RNF4: variants seen among roughly 807,000 people sequenced by gnomAD.
RNF4 encodes E3 ubiquitin-protein ligase RNF4.
RNF4 carries 7 observed loss-of-function variants against 24.3 expected under a neutral mutation model. The ratio of observed to expected loss-of-function variants is 0.29; its 90% CI spans 0.16 to 0.54. RNF4 has a LOEUF of 0.54. RNF4 is among the 20% of genes least tolerant of loss of function. RNF4 has a pLI of 0.95. For synonymous variants in RNF4, 83 were observed against 84.3 expected, an observed-to-expected ratio of 0.98 and a Z score of 0.09; for missense variants, 209 against 248.5, an observed-to-expected ratio of 0.84 and a Z score of 1.07.
intron 2 of RNF4, among the ~76,000 whole-genome samples, chr4:2,495,635 T>G (rs1735709526): frequency 1.0e-5 from 1 of 98,592 alleles, no homozygotes; most frequent in Non-Finnish European, 2.2e-5. Context: ...AGCTCTTTTT[T>G]TTTTGGGGGG....
intron 2 of RNF4, among the ~76,000 whole-genome samples, chr4:2,494,283 A>C (rs1735669008): frequency 1.3e-5 from 2 of 150,498 alleles, no homozygotes; most frequent in South Asian, 4.3e-4. Flanking sequence ...TTATAACTTG[A>C]TGTGTTTACT....
chr4:2,480,862 C>T (rs1452006164), intron 1 of RNF4: 6 of 152,100 alleles, frequency 3.9e-5, no homozygotes, highest in Non-Finnish European at 8.8e-5. Context: ...GAACTGACTT[C>T]CAGGATACCT....
At chr4:2,485,590 G>A (rs545995740) in intron 1 of RNF4, among the ~76,000 whole-genome samples, 4 of 152,118 alleles carry the variant, frequency 2.6e-5, no homozygotes, top group African/African-American at 7.2e-5. Context: ...ATACCTTGGC[G>A]TGAGTTGTTT....
intron 1 of RNF4, chr4:2,481,033 A>T (rs1410986962): frequency 6.6e-6 from 1 of 152,264 alleles, no homozygotes; most frequent in Non-Finnish European, 1.5e-5. Context: ...GAACCAAGCC[A>T]TGTAATATAC....
At chr4:2,499,442 A>C in intron 3 of RNF4, 1 of 330,824 alleles carries the variant, frequency 3.0e-6, no homozygotes, top group Non-Finnish European at 5.9e-6. Flanking sequence ...ACACCTCGCT[A>C]ATTTTGTATT....
At chr4:2,472,080 CCTGGCTTCAAAGGACAGT>C (rs1310762641) in intron 1 of RNF4, among the ~76,000 whole-genome samples, 31 of 152,124 alleles carry the variant, frequency 2.0e-4, no homozygotes, top group Non-Finnish European at 1.5e-5. Context: ...AAGGTCAATG[CCTGGCTTCAAAGGACAGT>C]CTGATTCTCT....
intron 1 of RNF4, among the ~76,000 whole-genome samples, chr4:2,489,465 A>G (rs1475614906): frequency 2.6e-5 from 4 of 152,168 alleles, no homozygotes; most frequent in Non-Finnish European, 4.4e-5. Flanking sequence ...AGTACGTTCC[A>G]TGGTGTGGTC....
Position 2,513,905 on chromosome 4 carries a change from A to C in RNF4, c.*86A>C. On this transcript the variant is annotated 3_prime_UTR_variant, in exon 8 of 8. Transcript: ENST00000314289. ...TATCTGCCTCCATTTTCCTGAGATC[A>C]AAAAGACTGTTTCGAAACCAACATC... is the stretch of plus-strand genomic sequence containing the variant. 1 of 1,564,500 alleles carries C rather than the reference A, an allele frequency of 6.4e-7. No homozygotes were observed. Among genetic ancestry groups the C allele is most frequent in the Non-Finnish European group, 8.7e-7 (1 of 1,144,476 alleles).
chr4:2,509,485 T>C (rs904136941), intron 4 of RNF4, among the ~76,000 whole-genome samples: 2 of 152,138 alleles, frequency 1.3e-5, no homozygotes, highest in African/African-American at 4.8e-5. Context: ...CCCAAAGTGC[T>C]GAGATTCCAG....
intron 1 of RNF4, among the ~76,000 whole-genome samples, chr4:2,482,571 C>G (rs962085534): frequency 6.6e-6 from 1 of 152,228 alleles, no homozygotes; most frequent in Non-Finnish European, 1.5e-5. Context: ...AAAGCCTAGG[C>G]CATCTTGGCT....
At chr4:2,479,559 C>G (rs1441011232) in intron 1 of RNF4, among the ~76,000 whole-genome samples, 17 of 152,180 alleles carry the variant, frequency 1.1e-4, no homozygotes, top group Admixed American at 1.1e-3. Context: ...TTTCCGTGCA[C>G]AAGCTCTCTT....
intron 1 of RNF4, among the ~76,000 whole-genome samples, chr4:2,484,008 G>A (rs1277665602): frequency 7.5e-6 from 1 of 133,392 alleles, no homozygotes; most frequent in Non-Finnish European, 1.6e-5. Context: ...TGTATTTTTA[G>A]TAGGGGGTGG....
At position 2,512,987 on chromosome 4, in the gene RNF4, C is replaced by T. The variant is rs1262222648; in HGVS notation, c.375-96C>T. On this transcript the variant is annotated intron_variant, in intron 6 of 7. Coordinates refer to ENST00000314289, the MANE Select transcript of RNF4 (RefSeq NM_002938.5). This position sits in a 1 kb window ranked among gnomAD's most constrained non-coding sequence, Gnocchi z 4.1. ...TAAGGCAGAGTCAGGAGGCCAGGGA[C>T]GGGACTCTTGTAGGGGATAGGGGCC... The T allele has an allele frequency of 7.4e-6, 9 of 1,211,830 alleles. No individual in the cohort carries two copies. Among genetic ancestry groups the T allele is most frequent in the South Asian group, 4.9e-5 (4 of 81,736 alleles). The allele number at this position is 1,211,830 out of a possible 1,614,324, so 75.1% of individuals were successfully genotyped here. A position where few individuals can be genotyped will look rare whatever the true frequency, so the allele number is the denominator to read the frequency against.
rs1736360939 is a variant in RNF4, at chr4:2,514,583, T to A, written c.*764T>A. On this transcript the variant is annotated 3_prime_UTR_variant, in exon 8 of 8. Transcript: ENST00000314289. Reference sequence around the variant, plus strand: ...CAGTTGTTCTCAGGAACCTTACCCATGCTCCAGCGTCCTTCACCTGGCACA... The same window carrying A: ...CAGTTGTTCTCAGGAACCTTACCCAAGCTCCAGCGTCCTTCACCTGGCACA... The A allele has an allele frequency of 6.5e-6, 1 of 152,908 alleles. No homozygotes were observed. Among genetic ancestry groups the A allele is most frequent in the African/African-American group, 2.4e-5 (1 of 41,458 alleles). 9.5% of individuals were successfully genotyped at this position (152,908 alleles called of 1,614,324 possible).
chr4:2,490,668 C>T (rs1481898008), intron 2 of RNF4, 166 bp downstream of exon 2: 2 of 644,992 alleles, frequency 3.1e-6, no homozygotes, highest in Non-Finnish European at 2.6e-6. Flanking sequence ...AGCTTACTTA[C>T]CGACATTGAG....
intron 4 of RNF4, among the ~76,000 whole-genome samples, chr4:2,508,773 C>T (rs543414608): frequency 2.2e-4 from 34 of 151,660 alleles, no homozygotes; most frequent in Middle Eastern, 6.8e-3. Flanking sequence ...ACCACATGCC[C>T]GGCTAATTTT....
At chr4:2,513,185 A>G (rs1261654616) in intron 7 of RNF4, 54 bp downstream of exon 7, 5 of 1,527,884 alleles carry the variant, frequency 3.3e-6, no homozygotes, top group Non-Finnish European at 9.1e-7. Flanking sequence ...CTTCACTGAA[A>G]GAATTGGATG....
At chr4:2,491,551 T>C (rs906234182) in intron 2 of RNF4, among the ~76,000 whole-genome samples, 1 of 152,174 alleles carries the variant, frequency 6.6e-6, no homozygotes, top group African/African-American at 2.4e-5. Flanking sequence ...CAAGCGACTC[T>C]CCTGCCTCAG....
Position 2,502,618 on chromosome 4 carries a change from G to A in RNF4, c.204+1880G>A, listed in dbSNP as rs373298263. ...ACCCAGGAATCAGAGGTTGCAGTGAGCCGAGATCACGTCACTGCACTCCAG... is the reference window on the plus strand; with the variant it reads ...ACCCAGGAATCAGAGGTTGCAGTGAACCGAGATCACGTCACTGCACTCCAG... On this transcript the variant is annotated intron_variant, in intron 4 of 7. Transcript: ENST00000314289. Among the ~76,000 whole-genome samples the A allele has an allele frequency of 6.0e-5, 9 of 150,948 alleles. No individual in the cohort carries two copies. In the East Asian group the frequency reaches 1.4e-3, roughly 23 times the overall value.
Sources: allele counts gnomAD v4.1 joint callset (sites outside exome capture counted in the v4.1 genomes callset), GRCh38; gene constraint gnomAD v4.1.1; non-coding constraint Gnocchi (gnomAD v3.1); transcripts MANE v1.5; gene names NCBI Gene and HGNC (gene_info 2026-07-23, HGNC 2026-07-21).